The following PCM1 variants were observed in gnomAD, a reference collection of about 807,000 sequenced individuals.
The protein encoded by PCM1 is pericentriolar material 1 protein.
Under a neutral mutation model 241.9 loss-of-function variants are expected in PCM1, and 157 were observed. The ratio of observed to expected loss-of-function variants is 0.65; its 90% CI spans 0.57 to 0.74. The LOEUF (loss-of-function observed/expected upper bound fraction) is 0.74. PCM1 is among the 30% of genes least tolerant of loss of function. The probability of loss-of-function intolerance (pLI) is 0.00; values close to 1 mark genes in which losing one functional copy is unlikely to be tolerated. For missense variants in PCM1, 3,478 were observed against 2,360.1 expected (o/e 1.47, Z -9.81); for synonymous variants, 1,085 against 784.9 (o/e 1.38, Z -6.39).
Position 18,027,687 on chromosome 8 carries a change from T to G in PCM1, c.*25T>G, listed in dbSNP as rs762467443. 3 of 1,555,432 alleles carry G rather than the reference T, an allele frequency of 1.9e-6. No individual in the cohort carries two copies. The highest frequency in any genetic ancestry group is 1.7e-5 in the Admixed American group (1 of 59,482). ...AGATGTCTTCAGAGGCTCATCTAAC[T>G]CTGTCCTTACATACTCAATGCATAT... On this transcript the variant is annotated 3_prime_UTR_variant, in exon 39 of 39. Transcript: ENST00000325083.
intron 6 of PCM1, chr8:17,940,073 C>A: frequency 1.3e-6 from 2 of 1,580,234 alleles, no homozygotes; most frequent in Non-Finnish European, 1.7e-6. Flanking sequence ...GATGTTCGGA[C>A]TATAGATTCA....
chr8:17,963,350 A>G (rs1024554070), intron 17 of PCM1, 59 bp downstream of exon 17: 1 of 1,289,732 alleles, frequency 7.8e-7, no homozygotes, highest in Non-Finnish European at 1.1e-6. Flanking sequence ...ATTGACCTGT[A>G]GGCTAGGCAG....
At chr8:17,924,897 A>G (rs1162910258) in intron 2 of PCM1, 117 bp downstream of exon 2, 1 of 152,222 alleles carries the variant, frequency 6.6e-6, no homozygotes, top group Non-Finnish European at 1.5e-5. Context: ...CTTAGTAAAC[A>G]AACTTTCTGG....
chr8:18,011,907 C>T (rs1013640347), intron 34 of PCM1, 80 bp downstream of exon 34: 3 of 1,221,012 alleles, frequency 2.5e-6, no homozygotes, highest in Non-Finnish European at 1.2e-6. Flanking sequence ...TTTAACTAAT[C>T]AAAGTAGATC....
chr8:17,981,470 C>A (rs1189205560), intron 24 of PCM1, among the ~76,000 whole-genome samples: 2 of 152,122 alleles, frequency 1.3e-5, no homozygotes, highest in South Asian at 4.2e-4. Context: ...TTTTTTGAGT[C>A]CCTTGGCAGC....
intron 34 of PCM1, among the ~76,000 whole-genome samples, chr8:18,012,436 C>G (rs984755061): frequency 6.6e-6 from 1 of 152,082 alleles, no homozygotes; most frequent in Non-Finnish European, 1.5e-5. Context: ...TCACTGTGCT[C>G]CATTTATAAA....
intron 26 of PCM1, among the ~76,000 whole-genome samples, chr8:17,986,726 C>G (rs942021086): frequency 1.3e-5 from 2 of 151,732 alleles, no homozygotes; most frequent in African/African-American, 4.8e-5. Flanking sequence ...TTGGGAATCA[C>G]CTATTTCAAG....
Position 18,016,000 on chromosome 8 carries a change from T to TGCCTCAGCCTCCCGAGTAGCTGGGATTA in PCM1, c.5841+1161_5841+1188dup, listed in dbSNP as rs1275269000. Among the ~76,000 whole-genome samples the TGCCTCAGCCTCCCGAGTAGCTGGGATTA allele has an allele frequency of 4.6e-5, 7 of 152,338 alleles. No homozygotes were observed. In the East Asian group the frequency reaches 9.7e-4, roughly 21 times the overall value. On this transcript the variant is annotated intron_variant, in intron 36 of 38. Coordinates refer to ENST00000325083, the MANE Select transcript of PCM1 (RefSeq NM_006197.4). ...GCCTCCTGGGTTCAGGTGATTCTCC[T>TGCCTCAGCCTCCCGAGTAGCTGGGATTA]GCCTCAGCCTCCCGAGTAGCTGGGA...
chr8:17,996,607 ATTAT>A (rs781113117), intron 29 of PCM1, among the ~76,000 whole-genome samples: 1 of 150,386 alleles, frequency 6.6e-6, no homozygotes, highest in South Asian at 2.1e-4. Flanking sequence ...TTTGATCTTT[ATTAT>A]TTCTTCTATT....
chr8:17,975,756 A>T (rs906044761), intron 23 of PCM1, among the ~76,000 whole-genome samples: 2 of 152,166 alleles, frequency 1.3e-5, no homozygotes, highest in African/African-American at 4.8e-5. Context: ...ATCTCATATA[A>T]CTTTGTTTCC....
rs1335688582 is a variant in PCM1, at chr8:17,937,295, T to C, written c.258T>C (p.Ser86=). The change falls in exon 4 of 39, where the codon AGT becomes AGC. Residue 86 remains serine, a synonymous_variant. Coordinates refer to ENST00000325083, the MANE Select transcript of PCM1 (RefSeq NM_006197.4). ...AGACTCCACATACGTTCCCACACAG[T>C]AGATACATGAGTCAGATGTCTGTCC... ...RTKTPHTFPH[S]RYMSQMSVPE... 2 of 1,609,558 alleles carry C rather than the reference T, an allele frequency of 1.2e-6. No homozygotes were observed. The highest frequency in any genetic ancestry group is 2.2e-5 in the East Asian group (1 of 44,836).
In PCM1 at chr8:18,019,173, C is replaced by CTCTA. The variant is rs547795722; in HGVS notation, c.5841+4337_5841+4340dup. 1.2e-3 allele frequency among the ~76,000 whole-genome samples: 176 copies of CTCTA among 152,124 alleles called. 1 individual carries two copies. Among genetic ancestry groups the CTCTA allele is most frequent in the African/African-American group, 4.2e-3 (175 of 41,498 alleles). On this transcript the variant is annotated intron_variant, in intron 36 of 38. Transcript: ENST00000325083. ...GTAGTGCCACAGGGGTTCGCTGAAG[C>CTCTA]TCTATCTTGTTTTTCTCAGACATTA...
rs966896227 is a variant in PCM1, at chr8:17,923,090, C to T, written c.-189C>T. On this transcript the variant is annotated 5_prime_UTR_variant, in exon 1 of 39. Coordinates refer to ENST00000325083, the MANE Select transcript of PCM1 (RefSeq NM_006197.4). ...CGAGGCAGCCAGGAAACGTGTGGGC[C>T]TCTCTGCTGCGGTCTCCGAGGGCCG... is the stretch of plus-strand genomic sequence containing the variant. 1 of 152,602 alleles carries T rather than the reference C, an allele frequency of 6.6e-6. No individual in the cohort carries two copies. Among genetic ancestry groups the T allele is most frequent in the Non-Finnish European group, 1.5e-5 (1 of 68,366 alleles). 9.5% of individuals were successfully genotyped at this position (152,602 alleles called of 1,614,324 possible).
chr8:17,995,258 C>A lies in PCM1; in HGVS notation c.4827+1639C>A, dbSNP rs145119432. Among the ~76,000 whole-genome samples, 569 of 151,454 alleles carry A rather than the reference C, an allele frequency of 3.8e-3. 33 individuals carry two copies. Among genetic ancestry groups the A allele is most frequent in the African/African-American group, 0.013 (550 of 40,828 alleles). ...TCCTCTGCATATGGATATCCAGTTA[C>A]CCCAGCACCATTTATTGTGAAGAGA... is the stretch of plus-strand genomic sequence containing the variant. On this transcript the variant is annotated intron_variant, in intron 29 of 38. Coordinates refer to ENST00000325083, the MANE Select transcript of PCM1 (RefSeq NM_006197.4).
chr8:17,961,753 G>A (rs1022877181), intron 15 of PCM1, among the ~76,000 whole-genome samples: 28 of 152,204 alleles, frequency 1.8e-4, no homozygotes, highest in Admixed American at 1.3e-3. Context: ...AATGTCTAGA[G>A]AAATATGTTG....
chr8:17,940,809 T>G (rs2061787969), intron 6 of PCM1, among the ~76,000 whole-genome samples: 1 of 152,200 alleles, frequency 6.6e-6, no homozygotes, highest in Non-Finnish European at 1.5e-5. Context: ...AAACTTAGTG[T>G]GGTTCAATGC....
intron 9 of PCM1, 117 bp from the exon 10 acceptor site, chr8:17,955,353 G>A: frequency 1.5e-6 from 1 of 648,548 alleles, no homozygotes; most frequent in South Asian, 2.4e-5. Flanking sequence ...ATTTAAATCT[G>A]CAGAAATTAA....
At position 18,014,028 on chromosome 8, in the gene PCM1, C is replaced by G; in HGVS notation, c.5576C>G (p.Thr1859Ser). ...AATGTCCCATTGGAACGAGAAGCCA[C>G]TAGTAAAAGTAAGAAATCTAAATAA... ...SKNVPLEREA[T>S]SKNDQNNCPV... is the part of the protein sequence containing the mutation. Residue 1859 changes from threonine (T) to serine (S), a missense_variant, in exon 35 of 39, where the codon ACT (threonine) becomes AGT (serine). Physicochemically the swap from Thr to Ser is moderately conservative, Grantham distance 58 (BLOSUM62 1). Coordinates refer to ENST00000325083, the MANE Select transcript of PCM1 (RefSeq NM_006197.4). 2 of 1,580,836 alleles carry G rather than the reference C, an allele frequency of 1.3e-6. No individual in the cohort carries two copies. The highest frequency in any genetic ancestry group is 1.7e-5 in the Admixed American group (1 of 57,292).
At chr8:17,994,694 C>T (rs1376205211) in intron 29 of PCM1, among the ~76,000 whole-genome samples, 4 of 152,116 alleles carry the variant, frequency 2.6e-5, no homozygotes, top group Non-Finnish European at 4.4e-5. Flanking sequence ...ACATCCTCGC[C>T]AGCATTTATT....
Sources: gnomAD v4.1 joint callset for allele counts (sites outside exome capture counted in the v4.1 genomes callset) on GRCh38, gnomAD v4.1.1 for gene constraint, MANE v1.5 for transcripts, NCBI Gene and HGNC (gene_info 2026-07-23, HGNC 2026-07-21) for gene names.